Variants in BACH2 observed in about 807,000 individuals in gnomAD.
The protein encoded by BACH2 is BACH transcriptional regulator 2.
A neutral mutation model predicts 61.8 loss-of-function variants in BACH2; 5 were observed. The ratio of observed to expected loss-of-function variants is 0.08; its 90% CI spans 0.04 to 0.17. The LOEUF is 0.17. Among genes scored for constraint, BACH2 ranks in the 10% least tolerant of loss-of-function variants. The pLI is 1.00. For synonymous variants in BACH2, 446 were observed against 440.1 expected (o/e 1.01, Z -0.17); for missense variants, 824 against 1,091.1 (o/e 0.76, Z 3.45).
chr6:90,021,832 T>C (rs1415452272), intron 5 of BACH2, among the ~76,000 whole-genome samples: 3 of 152,214 alleles, frequency 2.0e-5, no homozygotes, highest in Non-Finnish European at 2.9e-5. Flanking sequence ...CCCTAATGCC[T>C]TAGATAGCTA....
chr6:89,971,352 A>T (rs912764311), intron 6 of BACH2, among the ~76,000 whole-genome samples: 1 of 152,218 alleles, frequency 6.6e-6, no homozygotes, highest in African/African-American at 2.4e-5. Flanking sequence ...CCTTTTCAAT[A>T]TAAGATACAA....
chr6:89,929,186 G>T lies in BACH2; in HGVS notation c.*3222C>A, dbSNP rs574148224. On this transcript the variant is annotated 3_prime_UTR_variant, in exon 9 of 9. Coordinates refer to ENST00000257749, the MANE Select transcript of BACH2 (RefSeq NM_021813.4). ...GCAGGCATCCTCCTAAACAGCCCGT[G>T]GTTGGAGGGTCTCTTATTTTTGTAA... is the stretch of plus-strand genomic sequence containing the variant. 1.7e-4 allele frequency: 26 copies of T among 152,412 alleles called. No individual in the cohort carries two copies. Among genetic ancestry groups the T allele is most frequent in the African/African-American group, 6.3e-4 (26 of 41,552 alleles). The allele number at this position is 152,412 out of a possible 1,614,324, so 9.4% of individuals were successfully genotyped here.
chr6:90,225,421 T>C (rs1291835391), intron 3 of BACH2, among the ~76,000 whole-genome samples: 2 of 152,130 alleles, frequency 1.3e-5, no homozygotes, highest in Middle Eastern at 3.4e-3. Context: ...CCTATCTTTG[T>C]GAAATTTAGA....
At chr6:90,129,996 A>G (rs762267372) in intron 4 of BACH2, among the ~76,000 whole-genome samples, 11 of 152,000 alleles carry the variant, frequency 7.2e-5, no homozygotes, top group Admixed American at 5.9e-4. Flanking sequence ...CAGCCTCCCG[A>G]GTAGCTGGGA....
At chr6:90,037,213 A>C (rs957985687) in intron 5 of BACH2, among the ~76,000 whole-genome samples, 2 of 152,188 alleles carry the variant, frequency 1.3e-5, no homozygotes, top group Admixed American at 6.5e-5. Flanking sequence ...AGTAAATTAA[A>C]ATCCATACCC....
chr6:90,220,628 C>T (rs946593451), intron 3 of BACH2, among the ~76,000 whole-genome samples: 2 of 152,124 alleles, frequency 1.3e-5, no homozygotes, highest in Admixed American at 6.5e-5. Flanking sequence ...AATTCTGCTG[C>T]ATGTAGGTTT....
At chr6:90,268,542 T>C (rs1357177572) in intron 2 of BACH2, among the ~76,000 whole-genome samples, 1 of 152,248 alleles carries the variant, frequency 6.6e-6, no homozygotes, top group Non-Finnish European at 1.5e-5. Flanking sequence ...AGTAATTTTA[T>C]GTCTGTTGAC....
chr6:90,108,577 G>C (rs1783026123), intron 4 of BACH2, among the ~76,000 whole-genome samples: 1 of 151,958 alleles, frequency 6.6e-6, no homozygotes, highest in African/African-American at 2.4e-5. Context: ...CCCAGCTTGG[G>C]AAACAGCCTG....
chr6:89,980,929 G>A (rs1775916690), intron 6 of BACH2, among the ~76,000 whole-genome samples: 1 of 151,496 alleles, frequency 6.6e-6, no homozygotes, highest in African/African-American at 2.4e-5. Flanking sequence ...CAGTGAATGG[G>A]GTTAGAATGT....
At chr6:90,108,291 C>A (rs771170056) in intron 4 of BACH2, among the ~76,000 whole-genome samples, 2 of 152,130 alleles carry the variant, frequency 1.3e-5, no homozygotes, top group Non-Finnish European at 2.9e-5. Flanking sequence ...ATTTAATATA[C>A]CCTCCTGGGA....
At chr6:89,994,691 CAG>C (rs983494872) in intron 6 of BACH2, among the ~76,000 whole-genome samples, 8 of 152,308 alleles carry the variant, frequency 5.3e-5, no homozygotes, top group South Asian at 2.1e-4. Flanking sequence ...AGCCATACTA[CAG>C]AGTTTCATTG....
intron 4 of BACH2, among the ~76,000 whole-genome samples, chr6:90,118,877 C>T (rs544159906): frequency 6.6e-6 from 1 of 152,286 alleles, no homozygotes; most frequent in South Asian, 2.1e-4. Flanking sequence ...CTCTGCCATT[C>T]ACTACCTATA....
At chr6:90,244,761 A>G (rs1300870609) in intron 3 of BACH2, among the ~76,000 whole-genome samples, 1 of 152,004 alleles carries the variant, frequency 6.6e-6, no homozygotes, top group Non-Finnish European at 1.5e-5. Context: ...TCCTCCCTAA[A>G]AGCTGCTTCT....
intron 3 of BACH2, among the ~76,000 whole-genome samples, chr6:90,225,871 G>T (rs543910437): frequency 1.3e-5 from 2 of 152,310 alleles, no homozygotes; most frequent in East Asian, 3.9e-4. Context: ...AAGAAAAAGA[G>T]GATCAGAGAT....
In BACH2 at chr6:90,138,051, AAAACAC is replaced by A. The variant is rs1461940100; in HGVS notation, c.-161-48948_-161-48943del. On this transcript the variant is annotated intron_variant, in intron 4 of 8. Transcript: ENST00000257749. ...ATGAGATCATGACTATTCTAATCAT[AAAACAC>A]ACACACACACACACACACACACACA... is the stretch of plus-strand genomic sequence containing the variant. Among the ~76,000 whole-genome samples, 851 of 93,770 alleles carry A rather than the reference AAAACAC, an allele frequency of 9.1e-3. 9 individuals carry two copies. Among genetic ancestry groups the A allele is most frequent in the African/African-American group, 0.028 (802 of 28,736 alleles). 61.5% of individuals were successfully genotyped at this position (93,770 alleles called of 152,430 possible).
chr6:89,954,092 T>G (rs1312858099), intron 6 of BACH2, among the ~76,000 whole-genome samples: 3 of 152,240 alleles, frequency 2.0e-5, no homozygotes, highest in African/African-American at 7.2e-5. Flanking sequence ...ATTCCTTTAC[T>G]GCCACATGGC....
At chr6:90,114,812 A>G (rs371833956) in intron 4 of BACH2, among the ~76,000 whole-genome samples, 10 of 152,058 alleles carry the variant, frequency 6.6e-5, no homozygotes, top group Non-Finnish European at 1.5e-4. Flanking sequence ...AACAACTTCA[A>G]CGAAGTTGCA....
chr6:90,012,869 G>A (rs1037583798), intron 5 of BACH2, among the ~76,000 whole-genome samples: 1 of 151,968 alleles, frequency 6.6e-6, no homozygotes, highest in African/African-American at 2.4e-5. Flanking sequence ...GTTTTGCCAG[G>A]TTGGCCAGAC....
At chr6:90,238,023 A>G (rs1239368057) in intron 3 of BACH2, among the ~76,000 whole-genome samples, 1 of 152,254 alleles carries the variant, frequency 6.6e-6, no homozygotes, top group Non-Finnish European at 1.5e-5. Flanking sequence ...ATGAAGCAAG[A>G]TTAATCTCGT....
Sources: gnomAD v4.1 joint callset for allele counts (sites outside exome capture counted in the v4.1 genomes callset) on GRCh38, gnomAD v4.1.1 for gene constraint, MANE v1.5 for transcripts, NCBI Gene and HGNC (gene_info 2026-07-23, HGNC 2026-07-21) for gene names.